NCOR2: variants seen among roughly 807,000 people sequenced by gnomAD.
The protein encoded by NCOR2 is nuclear receptor corepressor 2.
A neutral mutation model predicts 262.9 loss-of-function variants in NCOR2; 81 were observed. The observed-to-expected ratio is 0.31, with a 90% CI of 0.26 to 0.37. The LOEUF is 0.37. Ranked by LOEUF, NCOR2 falls within the 10% of genes least tolerant of loss-of-function variation. The pLI is 1.00. For synonymous variants in NCOR2, 1,659 were observed against 1,559.3 expected, an observed-to-expected ratio of 1.06 and a Z score of -1.51; for missense variants, 3,385 against 3,621.4, an observed-to-expected ratio of 0.93 and a Z score of 1.68.
intron 45 of NCOR2, among the ~76,000 whole-genome samples, 199 bp from the exon 48 acceptor site, chr12:124,326,569 G>A (rs560883224): frequency 7.9e-5 from 12 of 152,184 alleles, no homozygotes; most frequent in Non-Finnish European, 1.6e-4. Flanking sequence ...CCATGAGCCT[G>A]GAGGGTGGAG....
intron 7 of NCOR2, among the ~76,000 whole-genome samples, chr12:124,447,627 A>T (rs982028254): frequency 6.6e-6 from 1 of 152,202 alleles, no homozygotes; most frequent in Admixed American, 6.5e-5. Context: ...TGAAGGCGTA[A>T]AGAGCTTAAG....
chr12:124,457,253 C>T lies in NCOR2; in HGVS notation c.706-91G>A. The T allele has an allele frequency of 7.4e-7, 1 of 1,350,106 alleles. No homozygotes were observed. The highest frequency in any genetic ancestry group is 1.5e-5 in the South Asian group (1 of 68,094). 83.6% of individuals were successfully genotyped at this position (1,350,106 alleles called of 1,614,324 possible). A position where few individuals can be genotyped will look rare whatever the true frequency, so the allele number is the denominator to read the frequency against. On this transcript the variant is annotated intron_variant, in intron 5 of 46. Coordinates refer to ENST00000405201, the Ensembl canonical transcript of NCOR2. This position sits in a 1 kb window ranked among gnomAD's most constrained non-coding sequence, Gnocchi z 4.0. ...GGCTTCCCGGAGCAGCGGGCACCTGCCCAGCCCAGTCCAGCATGCTGATCC... is the reference window on the plus strand; with the variant it reads ...GGCTTCCCGGAGCAGCGGGCACCTGTCCAGCCCAGTCCAGCATGCTGATCC...
At chr12:124,475,365 TG>T (rs2047053202) in intron 3 of NCOR2, among the ~76,000 whole-genome samples, 2 of 152,078 alleles carry the variant, frequency 1.3e-5, no homozygotes, top group Admixed American at 6.5e-5. Flanking sequence ...CCCCATGAAG[TG>T]GATCCCACAA....
intron 1 of NCOR2, among the ~76,000 whole-genome samples, chr12:124,553,389 C>T (rs181628159): frequency 1.3e-5 from 2 of 152,316 alleles, no homozygotes; most frequent in East Asian, 3.9e-4. Flanking sequence ...GTTCGGGGGA[C>T]CATTACTCAG....
At chr12:124,486,620 G>GGGCAC in intron 1 of NCOR2, 52 bp from the exon 4 acceptor site, 1 of 1,518,840 alleles carries the variant, frequency 6.6e-7, no homozygotes, top group Non-Finnish European at 8.8e-7. Context: ...GGGCATGGCG[G>GGGCAC]GGCACGGCAG....
chr12:124,413,470 TG>T (rs1388095802), intron 13 of NCOR2, among the ~76,000 whole-genome samples: 3 of 152,092 alleles, frequency 2.0e-5, no homozygotes, highest in Non-Finnish European at 4.4e-5. Flanking sequence ...GGGCACCTCC[TG>T]GGGGGTCTGT....
chr12:124,342,758 A>C (rs368039828), intron 33 of NCOR2, among the ~76,000 whole-genome samples: 3 of 152,252 alleles, frequency 2.0e-5, no homozygotes, highest in Non-Finnish European at 4.4e-5. Flanking sequence ...AAAGGCACTG[A>C]TAAGTCCTGC....
intron 13 of NCOR2, among the ~76,000 whole-genome samples, chr12:124,418,060 C>CA (rs56362015): frequency 0.036 from 3,133 of 86,562 alleles, 126 homozygotes; most frequent in East Asian, 0.29. Context: ...AACTCCATCT[C>CA]AAAAAAAAAA....
intron 1 of NCOR2, chr12:124,513,990 G>A (rs955086320): frequency 7.9e-5 from 12 of 152,246 alleles, no homozygotes; most frequent in Non-Finnish European, 8.8e-5. Context: ...ACTGAGTCAG[G>A]CACAACTGTC....
intron 13 of NCOR2, among the ~76,000 whole-genome samples, chr12:124,410,641 CCTGGGAG>C (rs1229700885): frequency 1.3e-5 from 2 of 152,168 alleles, no homozygotes; most frequent in African/African-American, 4.8e-5. Context: ...AAGCCCTCGG[CCTGGGAG>C]CTGAAACACA....
intron 1 of NCOR2, among the ~76,000 whole-genome samples, chr12:124,512,813 C>G (rs1233198869): frequency 6.6e-6 from 1 of 152,226 alleles, no homozygotes; most frequent in Non-Finnish European, 1.5e-5. Context: ...ATTGGCCTCC[C>G]TCCAGTTTAC....
At chr12:124,386,920 C>A (rs1369647144) in intron 16 of NCOR2, among the ~76,000 whole-genome samples, 2 of 152,248 alleles carry the variant, frequency 1.3e-5, no homozygotes, top group African/African-American at 4.8e-5. Flanking sequence ...TGCCCACTTT[C>A]CCAGGGCTGT....
exon 34 of NCOR2, chr12:124,341,966 C>T (rs958443755): frequency 3.2e-5 from 51 of 1,613,164 alleles, no homozygotes; most frequent in Non-Finnish European, 4.2e-5. Context: ...GATGGTCTGC[C>T]GGTTCTCCAG....
intron 1 of NCOR2, among the ~76,000 whole-genome samples, chr12:124,545,524 G>GC (rs1212060815): frequency 6.6e-6 from 1 of 152,104 alleles, no homozygotes. Context: ...GACCCTCGAA[G>GC]CCCCCACCAC....
intron 23 of NCOR2, 22 bp from the exon 26 acceptor site, chr12:124,355,593 A>G: frequency 6.5e-7 from 1 of 1,538,922 alleles, no homozygotes; most frequent in Non-Finnish European, 8.7e-7. Flanking sequence ...ATGTCTGTCC[A>G]TTGTGGGGCC....
intron 13 of NCOR2, among the ~76,000 whole-genome samples, chr12:124,413,178 C>T (rs1204255427): frequency 2.0e-5 from 3 of 152,190 alleles, no homozygotes; most frequent in Non-Finnish European, 2.9e-5. Flanking sequence ...CACCCCCCAA[C>T]TCAGGAAACC....
At chr12:124,388,828 G>A (rs1482016823) in intron 16 of NCOR2, 3 of 1,291,476 alleles carry the variant, frequency 2.3e-6, no homozygotes, top group African/African-American at 1.5e-5. Context: ...GTCTGCTGGC[G>A]GCTCAGCTCA....
chr12:124,364,331 C>T (rs889173240), intron 20 of NCOR2, among the ~76,000 whole-genome samples: 2 of 152,218 alleles, frequency 1.3e-5, no homozygotes, highest in Non-Finnish European at 2.9e-5. Flanking sequence ...CAGGGCAAGA[C>T]AGTGGGCATG....
Position 124,389,617 on chromosome 12 carries a change from C to T in NCOR2, c.1877-3730G>A, listed in dbSNP as rs893890063. Among the ~76,000 whole-genome samples the T allele has an allele frequency of 9.9e-5, 15 of 152,154 alleles. No homozygotes were observed. The highest frequency in any genetic ancestry group is 8.5e-4 in the Admixed American group (13 of 15,288). On this transcript the variant is annotated intron_variant, in intron 16 of 46. Coordinates refer to ENST00000405201, the Ensembl canonical transcript of NCOR2. This position sits in a 1 kb window ranked among gnomAD's most constrained non-coding sequence, Gnocchi z 4.4. Reference sequence around the variant, plus strand: ...ACCTGAGCTCTGCCCCCTGCCTGGCCTGATGCTGCCGAGGCTGACCGAGCC... The same window carrying T: ...ACCTGAGCTCTGCCCCCTGCCTGGCTTGATGCTGCCGAGGCTGACCGAGCC...
Sources: allele counts gnomAD v4.1 joint callset (sites outside exome capture counted in the v4.1 genomes callset), GRCh38; gene constraint gnomAD v4.1.1; non-coding constraint Gnocchi (gnomAD v3.1); transcripts MANE v1.5; gene names NCBI Gene and HGNC (gene_info 2026-07-23, HGNC 2026-07-21).